Variants in CPNE4 observed in about 807,000 individuals in gnomAD.
The protein encoded by CPNE4 is copine 4, also known as copine-4.
In CPNE4, 25 loss-of-function variants were observed where a neutral mutation model predicts 67.9. The observed-to-expected ratio is 0.37, with a 90% CI of 0.27 to 0.51. The LOEUF is 0.51. CPNE4 is among the 20% of genes least tolerant of loss of function. CPNE4 has a pLI of 0.93. For synonymous variants in CPNE4, 242 were observed against 244.9 expected (o/e 0.99, Z 0.11); for missense variants, 464 against 690.8 (o/e 0.67, Z 3.68).
chr3:131,636,076 G>A (rs1258500331), intron 7 of CPNE4, among the ~76,000 whole-genome samples: 1 of 81,782 alleles, frequency 1.2e-5, no homozygotes, highest in Middle Eastern at 5.2e-3. Context: ...GCGAGACTCC[G>A]TCTCAAAAAA....
intron 7 of CPNE4, among the ~76,000 whole-genome samples, chr3:131,601,030 C>T (rs1939174560): frequency 2.0e-5 from 3 of 152,054 alleles, no homozygotes; most frequent in African/African-American, 7.2e-5. Flanking sequence ...GAAGTCACTA[C>T]CTTCAGGAGA....
intron 2 of CPNE4, among the ~76,000 whole-genome samples, chr3:131,818,575 T>C (rs1219577497): frequency 2.6e-5 from 4 of 152,162 alleles, no homozygotes; most frequent in Non-Finnish European, 5.9e-5. Flanking sequence ...TGGGAGGCTG[T>C]CAAAAATGAA....
At chr3:132,023,904 T>C (rs1158077732) in intron 1 of CPNE4, among the ~76,000 whole-genome samples, 1 of 152,288 alleles carries the variant, frequency 6.6e-6, no homozygotes, top group South Asian at 2.1e-4. Flanking sequence ...TCATCTTTGA[T>C]GGCTACAAAA....
upstream of CPNE4, chr3:132,037,877 G>A (rs2074364941): frequency 2.8e-6 from 1 of 361,892 alleles, no homozygotes. Flanking sequence ...AAGGGGAGCA[G>A]ATGATGAAGG....
intron 1 of CPNE4, among the ~76,000 whole-genome samples, chr3:131,960,520 C>G (rs963730588): frequency 4.6e-5 from 7 of 152,150 alleles, no homozygotes; most frequent in Admixed American, 1.3e-4. Flanking sequence ...TAGTTGTTTG[C>G]CTATTGTCCA....
chr3:131,935,926 G>A (rs978653553), intron 1 of CPNE4, among the ~76,000 whole-genome samples: 3 of 151,924 alleles, frequency 2.0e-5, no homozygotes, highest in Admixed American at 6.6e-5. Flanking sequence ...AGAAGGATAT[G>A]AATTCTCCTT....
chr3:131,563,744 T>C (rs1237237615), intron 11 of CPNE4, among the ~76,000 whole-genome samples: 3 of 152,006 alleles, frequency 2.0e-5, no homozygotes, highest in Admixed American at 6.6e-5. Flanking sequence ...TTACTTAACC[T>C]CCTGTACAGT....
chr3:131,562,663 G>C (rs1936834000), intron 11 of CPNE4, among the ~76,000 whole-genome samples: 1 of 151,850 alleles, frequency 6.6e-6, no homozygotes, highest in Admixed American at 6.6e-5. Context: ...TTGTGTCTTG[G>C]GGACGTTTGG....
intron 2 of CPNE4, among the ~76,000 whole-genome samples, chr3:131,776,020 T>C (rs1484807695): frequency 2.6e-5 from 4 of 152,102 alleles, no homozygotes. Context: ...AAACAGTTAC[T>C]CTCACATTCA....
chr3:131,701,564 T>C (rs1381800214), intron 3 of CPNE4, among the ~76,000 whole-genome samples: 1 of 152,224 alleles, frequency 6.6e-6, no homozygotes, highest in Non-Finnish European at 1.5e-5. Flanking sequence ...GCCTTTGCTC[T>C]GGAGGAAGCT....
intron 10 of CPNE4, among the ~76,000 whole-genome samples, chr3:131,569,619 C>CA (rs1559914066): frequency 7.3e-6 from 1 of 136,598 alleles, no homozygotes; most frequent in Non-Finnish European, 1.5e-5. Context: ...CTCCGGGAAA[C>CA]AGAGTGAGAC....
intron 2 of CPNE4, among the ~76,000 whole-genome samples, chr3:131,728,653 A>G (rs1229022564): frequency 4.6e-5 from 7 of 152,128 alleles, no homozygotes; most frequent in South Asian, 4.2e-4. Context: ...GCTCACGCCT[A>G]TAATCCCAGC....
intron 3 of CPNE4, among the ~76,000 whole-genome samples, chr3:131,714,538 A>C (rs1291216966): frequency 6.6e-6 from 1 of 152,204 alleles, no homozygotes. Flanking sequence ...ATAATTACCC[A>C]AAACACTGGT....
At chr3:131,724,209 A>G (rs1180907808) in intron 2 of CPNE4, among the ~76,000 whole-genome samples, 1 of 152,208 alleles carries the variant, frequency 6.6e-6, no homozygotes, top group African/African-American at 2.4e-5. Flanking sequence ...ATAATGAAGT[A>G]GAAAAACCAT....
chr3:131,984,981 G>T (rs1204158832), intron 1 of CPNE4, among the ~76,000 whole-genome samples: 1 of 152,038 alleles, frequency 6.6e-6, no homozygotes, highest in Non-Finnish European at 1.5e-5. Flanking sequence ...GTCTTATATT[G>T]GGCTGCTATG....
chr3:131,958,155 C>T (rs544402999), intron 1 of CPNE4, among the ~76,000 whole-genome samples: 2 of 152,308 alleles, frequency 1.3e-5, no homozygotes, highest in Admixed American at 1.3e-4. Context: ...CTTCTACATT[C>T]CAGACATTCC....
At chr3:132,022,782 CCAAA>C (rs1470258695) in intron 1 of CPNE4, among the ~76,000 whole-genome samples, 1 of 152,134 alleles carries the variant, frequency 6.6e-6, no homozygotes, top group Non-Finnish European at 1.5e-5. Flanking sequence ...GTCAAAAAGA[CCAAA>C]CAGTCAGACA....
intron 1 of CPNE4, among the ~76,000 whole-genome samples, chr3:131,922,526 T>A (rs1431574473): frequency 6.6e-6 from 1 of 152,200 alleles, no homozygotes; most frequent in East Asian, 1.9e-4. Flanking sequence ...TGCCCATCTG[T>A]ATGACCAGTT....
chr3:131,731,482 G>A (rs113542713), intron 2 of CPNE4, among the ~76,000 whole-genome samples: 5,115 of 152,224 alleles, frequency 0.034, 309 homozygotes, highest in African/African-American at 0.11. Context: ...CCACAGAAGC[G>A]TAGATCTCAG....
Sources: allele counts gnomAD v4.1 joint callset (sites outside exome capture counted in the v4.1 genomes callset), GRCh38; gene constraint gnomAD v4.1.1; transcripts MANE v1.5; gene names NCBI Gene and HGNC (gene_info 2026-07-23, HGNC 2026-07-21).